Variants in COL4A3 observed in about 807,000 individuals in gnomAD.
The protein encoded by COL4A3 is collagen alpha-3(IV) chain.
In COL4A3, 135 loss-of-function variants were observed where a neutral mutation model predicts 217.4. The observed-to-expected ratio is 0.62, with a 90% CI of 0.54 to 0.72. COL4A3 has a LOEUF of 0.72. COL4A3 is among the 30% of genes least tolerant of loss of function. COL4A3 has a pLI of 0.00. For missense variants in COL4A3, 1,868 were observed against 2,119.9 expected, an observed-to-expected ratio of 0.88 and a Z score of 2.33; for synonymous variants, 690 against 736.3, an observed-to-expected ratio of 0.94 and a Z score of 1.02.
chr2:227,290,202 A>C (rs1428239970), intron 36 of COL4A3, 114 bp downstream of exon 36: 3 of 1,066,416 alleles, frequency 2.8e-6, no homozygotes, highest in Non-Finnish European at 4.3e-6. Flanking sequence ...TATATTAAAA[A>C]ACTAGATTTG....
At position 227,240,142 on chromosome 2, in the gene COL4A3, G is replaced by A. The variant is rs1284983343; in HGVS notation, c.145-1G>A. 1 of 1,605,540 alleles carries A rather than the reference G, an allele frequency of 6.2e-7. No individual in the cohort carries two copies. The highest frequency in any genetic ancestry group is 2.2e-5 in the East Asian group (1 of 44,636). ...TTCTCACCTCGTTTTGGTTTTAACAGGGGGAGAAGGGCTTTCCTGGACCCC... is the reference window on the plus strand; with the variant it reads ...TTCTCACCTCGTTTTGGTTTTAACAAGGGGAGAAGGGCTTTCCTGGACCCC... On this transcript the variant is annotated splice_acceptor_variant, in intron 2 of 51. Transcript: ENST00000396578. LOFTEE classifies it high-confidence loss of function.
chr2:227,173,410 G>C (rs919316710), intron 1 of COL4A3, among the ~76,000 whole-genome samples: 1 of 152,172 alleles, frequency 6.6e-6, no homozygotes, highest in East Asian at 1.9e-4. Context: ...CTCCCAAAAT[G>C]TAAGTCCCTG....
chr2:227,269,440 G>A (rs991001762), intron 23 of COL4A3, among the ~76,000 whole-genome samples: 4 of 152,080 alleles, frequency 2.6e-5, no homozygotes, highest in Admixed American at 6.5e-5. Flanking sequence ...CATTTAAAAT[G>A]AAGCTATAAA....
intron 1 of COL4A3, among the ~76,000 whole-genome samples, chr2:227,171,057 G>A (rs1296495623): frequency 6.6e-6 from 1 of 152,138 alleles, no homozygotes; most frequent in Non-Finnish European, 1.5e-5. Context: ...ATGGAAAAGT[G>A]AATTAACAAA....
rs1235355552 is a variant in COL4A3, at chr2:227,312,013, C to T, written c.*143C>T. 7 of 1,411,972 alleles carry T rather than the reference C, an allele frequency of 5.0e-6. No homozygotes were observed. Among genetic ancestry groups the T allele is most frequent in the Non-Finnish European group, 5.8e-6 (6 of 1,032,854 alleles). 87.5% of individuals were successfully genotyped at this position (1,411,972 alleles called of 1,614,324 possible). The stretch of plus-strand genomic sequence containing the variant: ...TACAAAGTTTCAATTTGTTTCCCCA[C>T]AAAACAAAGCAATTCTTTCAAGTCA... On this transcript the variant is annotated 3_prime_UTR_variant, in exon 52 of 52. Transcript: ENST00000396578.
At chr2:227,174,449 T>C (rs1276230210) in intron 1 of COL4A3, among the ~76,000 whole-genome samples, 1 of 152,182 alleles carries the variant, frequency 6.6e-6, no homozygotes, top group Non-Finnish European at 1.5e-5. Context: ...ACAGAAGTGC[T>C]CCATATAGTG....
At chr2:227,274,371 C>T (rs1045246399) in intron 26 of COL4A3, among the ~76,000 whole-genome samples, 1 of 152,042 alleles carries the variant, frequency 6.6e-6, no homozygotes, top group Non-Finnish European at 1.5e-5. Flanking sequence ...CACAACCTTA[C>T]ATTATATGTT....
intron 1 of COL4A3, among the ~76,000 whole-genome samples, chr2:227,183,370 A>T (rs995498999): frequency 2.0e-5 from 3 of 152,210 alleles, no homozygotes; most frequent in African/African-American, 4.8e-5. Context: ...TTGAAAAATA[A>T]ATTAGAAAAA....
intron 22 of COL4A3, 123 bp downstream of exon 22, chr2:227,266,632 C>T: frequency 1.3e-6 from 1 of 783,752 alleles, no homozygotes; most frequent in Non-Finnish European, 2.2e-6. Flanking sequence ...ACTTATTTTC[C>T]ATTAGCTAAA....
chr2:227,231,170 T>G (rs1011235502), intron 1 of COL4A3, among the ~76,000 whole-genome samples: 5 of 152,102 alleles, frequency 3.3e-5, no homozygotes, highest in Non-Finnish European at 5.9e-5. Context: ...GGTACATGTC[T>G]GCCATATCAT....
chr2:227,185,158 C>T (rs976978745), intron 1 of COL4A3, among the ~76,000 whole-genome samples: 4 of 152,108 alleles, frequency 2.6e-5, no homozygotes, highest in Non-Finnish European at 5.9e-5. Context: ...CCTCGGCCTC[C>T]CAAAGTGCTG....
Position 227,282,260 on chromosome 2 carries a change from A to G in COL4A3, c.2489-105A>G. On this transcript the variant is annotated intron_variant, in intron 31 of 51. Transcript: ENST00000396578. The surrounding 1 kb of genome is among the most constrained non-coding windows in gnomAD (Gnocchi z 4.4). ...GCAATCCAGCCTAGAAGACAGAGGG[A>G]GATTCCATCTTAAAAATATATATAT... The G allele has an allele frequency of 2.1e-6, 1 of 478,848 alleles. No individual in the cohort carries two copies. Among genetic ancestry groups the G allele is most frequent in the Admixed American group, 5.4e-5 (1 of 18,682 alleles). 29.7% of individuals were successfully genotyped at this position (478,848 alleles called of 1,614,324 possible). A position where few individuals can be genotyped will look rare whatever the true frequency, so the allele number is the denominator to read the frequency against.
chr2:227,288,667 G>A (rs1010108606), intron 34 of COL4A3, among the ~76,000 whole-genome samples: 1 of 152,102 alleles, frequency 6.6e-6, no homozygotes, highest in Non-Finnish European at 1.5e-5. Flanking sequence ...AAATGAAGAG[G>A]TATTTAGGCT....
chr2:227,177,098 C>G (rs1427647044), intron 1 of COL4A3, among the ~76,000 whole-genome samples: 4 of 151,460 alleles, frequency 2.6e-5, no homozygotes, highest in Non-Finnish European at 5.9e-5. Context: ...CTGCTTTTTC[C>G]TCCTAACAAC....
intron 8 of COL4A3, 117 bp downstream of exon 8, chr2:227,247,701 A>C: frequency 7.7e-6 from 8 of 1,032,786 alleles, no homozygotes; most frequent in Non-Finnish European, 1.2e-5. Flanking sequence ...CCAGACCTTA[A>C]TCATTCAGAA....
chr2:227,239,880 C>T (rs919090390), intron 2 of COL4A3, among the ~76,000 whole-genome samples: 2 of 152,168 alleles, frequency 1.3e-5, no homozygotes, highest in African/African-American at 4.8e-5. Flanking sequence ...CTCTACATAG[C>T]CCTACCATTT....
Position 227,253,229 on chromosome 2 carries a change from T to C in COL4A3, c.646-67T>C. On this transcript the variant is annotated intron_variant, in intron 11 of 51. Transcript: ENST00000396578. The surrounding 1 kb of genome is among the most constrained non-coding windows in gnomAD (Gnocchi z 4.4). ...TGCTCCCTTACAAATATTGGAACTT[T>C]GATGGGTTTAGACTATTTATTCATA... is the stretch of plus-strand genomic sequence containing the variant. The C allele has an allele frequency of 7.6e-7, 1 of 1,319,402 alleles. No individual in the cohort carries two copies. The highest frequency in any genetic ancestry group is 1.1e-6 in the Non-Finnish European group (1 of 919,908). The allele number at this position is 1,319,402 out of a possible 1,614,324, so 81.7% of individuals were successfully genotyped here.
At position 227,253,416 on chromosome 2, in the gene COL4A3, G is replaced by A. The variant is rs377020601; in HGVS notation, c.687+79G>A. The A allele has an allele frequency of 7.4e-5, 112 of 1,521,206 alleles. No individual in the cohort carries two copies. Among genetic ancestry groups the A allele is most frequent in the African/African-American group, 1.1e-4 (8 of 73,076 alleles). The allele number at this position is 1,521,206 out of a possible 1,614,324, so 94.2% of individuals were successfully genotyped here. A position where few individuals can be genotyped will look rare whatever the true frequency, so the allele number is the denominator to read the frequency against. ...ATATCAGCCTATACCGTTTACTTAC[G>A]GGCCAAGCTGAAATTGATGGGCCTT... On this transcript the variant is annotated intron_variant, in intron 12 of 51. Transcript: ENST00000396578. This position sits in a 1 kb window ranked among gnomAD's most constrained non-coding sequence, Gnocchi z 4.4.
At chr2:227,268,184 G>C (rs1017465960) in intron 23 of COL4A3, among the ~76,000 whole-genome samples, 1 of 152,188 alleles carries the variant, frequency 6.6e-6, no homozygotes. Flanking sequence ...CCTGTGTGTT[G>C]GGCGCTGTTC....
Sources: gnomAD v4.1 joint callset for allele counts (sites outside exome capture counted in the v4.1 genomes callset) on GRCh38, gnomAD v4.1.1 for gene constraint, Gnocchi (gnomAD v3.1) non-coding constraint, MANE v1.5 for transcripts, NCBI Gene and HGNC (gene_info 2026-07-23, HGNC 2026-07-21) for gene names.